The following ZNF736 variants were observed in gnomAD, a reference collection of about 807,000 sequenced individuals.
ZNF736 encodes zinc finger protein 736.
Under a neutral mutation model 11.7 loss-of-function variants are expected in ZNF736, and 6 were observed. The observed-to-expected ratio is 0.51, with a 90% CI of 0.28 to 1.01. The LOEUF (loss-of-function observed/expected upper bound fraction) is 1.01. Among genes scored for constraint, ZNF736 ranks in the 50% least tolerant of loss-of-function variants. ZNF736 has a pLI of 0.09. For missense variants in ZNF736, 444 were observed against 496.0 expected (o/e 0.90, Z 1.00); for synonymous variants, 139 against 164.7 (o/e 0.84, Z 1.19).
intron 1 of ZNF736, among the ~76,000 whole-genome samples, chr7:64,335,677 C>T (rs1024842050): frequency 3.9e-5 from 6 of 152,260 alleles, no homozygotes; most frequent in African/African-American, 7.2e-5. Flanking sequence ...CTTTGCATAT[C>T]GCTTGCTATG....
At chr7:64,344,498 T>G (rs1175977171) in intron 3 of ZNF736, among the ~76,000 whole-genome samples, 1 of 152,218 alleles carries the variant, frequency 6.6e-6, no homozygotes, top group Non-Finnish European at 1.5e-5. Flanking sequence ...TTTTCTGTTT[T>G]TAAGGATGTA....
At chr7:64,343,620 G>A (rs1224802855) in intron 3 of ZNF736, among the ~76,000 whole-genome samples, 1 of 152,198 alleles carries the variant, frequency 6.6e-6, no homozygotes, top group African/African-American at 2.4e-5. Context: ...TGCAGTCACA[G>A]TTAAAATGCA....
At chr7:64,339,808 C>A (rs1198210409) in intron 3 of ZNF736, among the ~76,000 whole-genome samples, 1 of 151,952 alleles carries the variant, frequency 6.6e-6, no homozygotes, top group Non-Finnish European at 1.5e-5. Context: ...ATTGAATTTT[C>A]TATTACTTCG....
intron 1 of ZNF736, among the ~76,000 whole-genome samples, chr7:64,326,657 T>G (rs1203916485): frequency 4.9e-3 from 8 of 1,624 alleles, no homozygotes; most frequent in Admixed American, 6.7e-3. Flanking sequence ...TATTTGGAGA[T>G]TTTTTTTTTA....
intron 1 of ZNF736, among the ~76,000 whole-genome samples, chr7:64,321,270 C>T (rs1484263447): frequency 6.6e-6 from 1 of 152,198 alleles, no homozygotes; most frequent in Admixed American, 6.5e-5. Context: ...TCTACAAAGT[C>T]TCTAGTTGCC....
At position 64,348,434 on chromosome 7, in the gene ZNF736, C is replaced by T. The variant is rs760693143; in HGVS notation, c.571C>T (p.His191Tyr). 8.4e-6 allele frequency: 13 copies of T among 1,550,404 alleles called. No homozygotes were observed. The highest frequency in any genetic ancestry group is 8.7e-6 in the Non-Finnish European group (10 of 1,147,016). The change falls in exon 4 of 4, where the codon CAT becomes TAT. Residue 191 changes from histidine (H) to tyrosine (Y), a missense_variant. His to Tyr is a moderately conservative substitution (Grantham distance 83, BLOSUM62 2). Transcript: ENST00000423484. ...DCRLFSDFTR[H>Y]KKIHTVERCY... ...TAGGTTGTTCTCAGATTTTACTAGA[C>T]ATAAGAAAATTCATACTGTAGAGAG...
chr7:64,342,263 CAT>C lies in ZNF736; in HGVS notation c.226+5284_226+5285del, dbSNP rs547859919. Among the ~76,000 whole-genome samples, 37 of 152,158 alleles carry C rather than the reference CAT, an allele frequency of 2.4e-4. No individual in the cohort carries two copies. In the South Asian group the frequency reaches 6.0e-3, roughly 25 times the overall value. On this transcript the variant is annotated intron_variant, in intron 3 of 3. Coordinates refer to ENST00000423484, the MANE Select transcript of ZNF736 (RefSeq NM_001170905.3). ...TTTGAGAGAGGCCCGGAACAGATGTCATATGTTTCTGCTTTATAATTTCCAAT... is the reference window on the plus strand; with the variant it reads ...TTTGAGAGAGGCCCGGAACAGATGTCATGTTTCTGCTTTATAATTTCCAAT...
chr7:64,336,810 T>A, intron 2 of ZNF736, 77 bp from the exon 3 acceptor site: 3 of 1,165,370 alleles, frequency 2.6e-6, no homozygotes, highest in Non-Finnish European at 3.7e-6. Context: ...ATGTTCTCTC[T>A]TCTCTACTGA....
At chr7:64,314,256 A>C in intron 1 of ZNF736, 103 bp downstream of exon 1, 1 of 1,442,922 alleles carries the variant, frequency 6.9e-7, no homozygotes. Flanking sequence ...TCTGCTCTGG[A>C]GTCTGCATCC....
chr7:64,317,584 C>T (rs1463965586), intron 1 of ZNF736, among the ~76,000 whole-genome samples: 1 of 152,102 alleles, frequency 6.6e-6, no homozygotes, highest in African/African-American at 2.4e-5. Context: ...CCAAGAAAAT[C>T]TAATATGGTT....
chr7:64,353,921 G>A lies in ZNF736; in HGVS notation c.*4774G>A, dbSNP rs1321688149. On this transcript the variant is annotated 3_prime_UTR_variant, in exon 4 of 4. Coordinates refer to ENST00000423484, the MANE Select transcript of ZNF736 (RefSeq NM_001170905.3). ...AATAAACCAAAATTATTGTTATTGT[G>A]TTAAGGCTATTTTACATTGAATGTG... The A allele has an allele frequency of 2.6e-5, 4 of 152,202 alleles. No homozygotes were observed. Among genetic ancestry groups the A allele is most frequent in the Admixed American group, 2.6e-4 (4 of 15,280 alleles). 9.4% of individuals were successfully genotyped at this position (152,202 alleles called of 1,614,324 possible). A position where few individuals can be genotyped will look rare whatever the true frequency, so the allele number is the denominator to read the frequency against.
At chr7:64,338,420 G>A (rs1412557369) in intron 3 of ZNF736, among the ~76,000 whole-genome samples, 1 of 152,138 alleles carries the variant, frequency 6.6e-6, no homozygotes, top group African/African-American at 2.4e-5. Flanking sequence ...ACTTTCAGTA[G>A]TCATAAAGCT....
At chr7:64,334,839 A>G (rs1789222174) in intron 1 of ZNF736, among the ~76,000 whole-genome samples, 1 of 152,230 alleles carries the variant, frequency 6.6e-6, no homozygotes, top group Non-Finnish European at 1.5e-5. Context: ...ATGCACACAT[A>G]TGTTTATTGC....
rs1431340541 is a variant in ZNF736 at position 64,348,452 on chromosome 7, G to C, written c.589G>C (p.Val197Leu). The C allele has an allele frequency of 8.1e-5, 125 of 1,546,432 alleles. No individual in the cohort carries two copies. The highest frequency in any genetic ancestry group is 1.1e-4 in the Non-Finnish European group (122 of 1,144,626). The change falls in exon 4 of 4, where the codon GTA (valine) becomes CTA (leucine). Residue 197 changes from valine to leucine, a missense_variant. Coordinates refer to ENST00000423484, the MANE Select transcript of ZNF736 (RefSeq NM_001170905.3). Reference sequence around the variant, plus strand: ...TACTAGACATAAGAAAATTCATACTGTAGAGAGATGCTACAAATGTGAAGA... The same window carrying C: ...TACTAGACATAAGAAAATTCATACTCTAGAGAGATGCTACAAATGTGAAGA... ...DFTRHKKIHT[V>L]ERCYKCEECG...
chr7:64,335,283 CA>C (rs1411209386), intron 1 of ZNF736, among the ~76,000 whole-genome samples: 1 of 151,386 alleles, frequency 6.6e-6, no homozygotes, highest in Non-Finnish European at 1.5e-5. Flanking sequence ...ACATGTATCC[CA>C]GAACTTAAAG....
intron 3 of ZNF736, chr7:64,337,229 TG>T (rs1789266320): frequency 4.2e-6 from 2 of 476,098 alleles, no homozygotes; most frequent in Admixed American, 3.9e-5. Flanking sequence ...TTTTGTTTTT[TG>T]TTTTTAGTTT....
chr7:64,319,305 G>C (rs1788960957), intron 1 of ZNF736, among the ~76,000 whole-genome samples: 1 of 137,210 alleles, frequency 7.3e-6, no homozygotes, highest in Non-Finnish European at 1.5e-5. Context: ...ATGTGTGTGT[G>C]TGTATATGTA....
chr7:64,337,756 G>GTTTTTTTTTT (rs569147961), intron 3 of ZNF736, among the ~76,000 whole-genome samples: 11 of 112,502 alleles, frequency 9.8e-5, no homozygotes, highest in Non-Finnish European at 1.4e-4. Context: ...GTTTTTTTTG[G>GTTTTTTTTTT]TTTTTTTTTT....
intron 1 of ZNF736, among the ~76,000 whole-genome samples, chr7:64,328,079 T>C (rs1789106235): frequency 1.4e-5 from 1 of 70,172 alleles, no homozygotes; most frequent in Non-Finnish European, 3.0e-5. Flanking sequence ...ACATTTATAG[T>C]ACTAAAAATT....
Sources: allele counts gnomAD v4.1 joint callset (sites outside exome capture counted in the v4.1 genomes callset), GRCh38; gene constraint gnomAD v4.1.1; transcripts MANE v1.5; gene names NCBI Gene and HGNC (gene_info 2026-07-23, HGNC 2026-07-21).